The following ARHGAP24 variants were observed in gnomAD, a reference collection of about 807,000 sequenced individuals.
ARHGAP24 encodes the protein rho GTPase-activating protein 24.
Under a neutral mutation model 76.4 loss-of-function variants are expected in ARHGAP24, and 50 were observed. That is an observed-to-expected ratio of 0.65 (90% CI 0.52 to 0.83). The LOEUF is 0.83. Among genes scored for constraint, ARHGAP24 ranks in the 40% least tolerant of loss-of-function variants. ARHGAP24 has a pLI of 0.00. For missense variants in ARHGAP24, 930 were observed against 914.2 expected (o/e 1.02, Z -0.22); for synonymous variants, 345 against 323.3 (o/e 1.07, Z -0.72).
chr4:85,876,939 T>A (rs1282594839), intron 3 of ARHGAP24, among the ~76,000 whole-genome samples: 3 of 3,656 alleles, frequency 8.2e-4, no homozygotes, highest in Non-Finnish European at 1.7e-3. Context: ...CTTTCCATTT[T>A]ATTTATAAAA....
At chr4:85,980,214 G>A (rs912278420) in intron 8 of ARHGAP24, among the ~76,000 whole-genome samples, 1 of 152,168 alleles carries the variant, frequency 6.6e-6, no homozygotes, top group African/African-American at 2.4e-5. Flanking sequence ...AGTGGGCAGA[G>A]CTAGTAGATA....
At chr4:85,893,972 A>T (rs1219462759) in intron 3 of ARHGAP24, among the ~76,000 whole-genome samples, 2 of 119,468 alleles carry the variant, frequency 1.7e-5, no homozygotes, top group African/African-American at 6.4e-5. Context: ...GGGGGGAGGG[A>T]TAGCATTGGG....
intron 1 of ARHGAP24, among the ~76,000 whole-genome samples, chr4:85,499,442 A>T (rs971987079): frequency 7.9e-5 from 12 of 152,360 alleles, no homozygotes; most frequent in Non-Finnish European, 1.5e-5. Context: ...TACTAGAGGA[A>T]AACTAGAAAG....
intron 2 of ARHGAP24, among the ~76,000 whole-genome samples, chr4:85,720,203 T>C (rs574559377): frequency 1.3e-5 from 2 of 152,126 alleles, no homozygotes; most frequent in Non-Finnish European, 2.9e-5. Flanking sequence ...ACATGGCACA[T>C]GTATACATAT....
At chr4:85,872,851 C>G (rs1425108379) in intron 3 of ARHGAP24, among the ~76,000 whole-genome samples, 1 of 152,004 alleles carries the variant, frequency 6.6e-6, no homozygotes, top group Non-Finnish European at 1.5e-5. Context: ...AGCCACCCGC[C>G]TCAGCCTCCC....
At chr4:85,556,665 C>T (rs1007245142) in intron 1 of ARHGAP24, among the ~76,000 whole-genome samples, 1 of 152,166 alleles carries the variant, frequency 6.6e-6, no homozygotes, top group African/African-American at 2.4e-5. Flanking sequence ...CAGGCACTGC[C>T]GAGTGAAGGG....
At chr4:85,619,046 A>C (rs1720624000) in intron 2 of ARHGAP24, among the ~76,000 whole-genome samples, 2 of 152,136 alleles carry the variant, frequency 1.3e-5, no homozygotes, top group South Asian at 2.1e-4. Context: ...TGTCAAACCA[A>C]TGTCATGGAG....
chr4:85,656,258 C>T (rs994811392), intron 2 of ARHGAP24, among the ~76,000 whole-genome samples: 1 of 152,042 alleles, frequency 6.6e-6, no homozygotes, highest in Non-Finnish European at 1.5e-5. Flanking sequence ...TTTGTGGAAC[C>T]ACTGAATTTG....
intron 4 of ARHGAP24, among the ~76,000 whole-genome samples, chr4:85,924,038 A>G (rs1361589416): frequency 6.6e-6 from 1 of 151,988 alleles, no homozygotes; most frequent in Non-Finnish European, 1.5e-5. Flanking sequence ...GGATTTTCCC[A>G]TATTACCGAC....
intron 3 of ARHGAP24, among the ~76,000 whole-genome samples, chr4:85,869,620 A>T (rs962806): frequency 1 from 151,795 of 152,222 alleles, 75,688 homozygotes; most frequent in Middle Eastern, 1. Flanking sequence ...AGGGAGGACA[A>T]TTTTTTTTCC....
At chr4:85,935,521 G>A (rs1736582560) in intron 4 of ARHGAP24, among the ~76,000 whole-genome samples, 1 of 152,190 alleles carries the variant, frequency 6.6e-6, no homozygotes. Context: ...TAGTGAGAAT[G>A]CCTTGGAAAA....
rs1329061234 is a variant in ARHGAP24 at position 85,475,564 on chromosome 4, G to A, written c.-21+5G>A. The A allele has an allele frequency of 6.6e-6, 1 of 151,904 alleles. No individual in the cohort carries two copies. The highest frequency in any genetic ancestry group is 1.5e-5 in the Non-Finnish European group (1 of 67,918). 9.4% of individuals were successfully genotyped at this position (151,904 alleles called of 1,614,324 possible). A position where few individuals can be genotyped will look rare whatever the true frequency, so the allele number is the denominator to read the frequency against. On this transcript the variant is annotated splice_donor_5th_base_variant and intron_variant, in intron 1 of 9. Coordinates refer to ENST00000395184, the MANE Select transcript of ARHGAP24 (RefSeq NM_001025616.3). ...CTGTCTTGAGCTCCCAGCAAGGTAG[G>A]TGATGCGGTCGCGAGGAAGTGCGCG...
chr4:85,944,446 T>C (rs1001559211), intron 5 of ARHGAP24, among the ~76,000 whole-genome samples: 10 of 152,206 alleles, frequency 6.6e-5, no homozygotes, highest in African/African-American at 2.4e-4. Flanking sequence ...TTGTTTAAGT[T>C]CCTTGTAGAT....
chr4:85,936,649 G>A (rs1233407139), intron 4 of ARHGAP24, among the ~76,000 whole-genome samples: 1 of 152,042 alleles, frequency 6.6e-6, no homozygotes, highest in Non-Finnish European at 1.5e-5. Flanking sequence ...CACAGGTTAG[G>A]CATCTAAATA....
chr4:85,870,088 T>A (rs142494504), intron 3 of ARHGAP24, among the ~76,000 whole-genome samples: 115 of 152,310 alleles, frequency 7.6e-4, no homozygotes, highest in African/African-American at 2.5e-3. Flanking sequence ...AAAGCTTTTT[T>A]AAAAACTGCC....
intron 2 of ARHGAP24, among the ~76,000 whole-genome samples, chr4:85,624,166 G>T (rs543173307): frequency 6.6e-6 from 1 of 152,106 alleles, no homozygotes; most frequent in African/African-American, 2.4e-5. Context: ...TCTTGTGCCC[G>T]TTTTCAAAGG....
intron 2 of ARHGAP24, among the ~76,000 whole-genome samples, chr4:85,716,741 G>A (rs747205276): frequency 5.3e-5 from 8 of 152,064 alleles, no homozygotes; most frequent in Non-Finnish European, 1.0e-4. Context: ...TGTTAGAAAG[G>A]TTAATGAAAA....
At chr4:85,999,147 A>G (rs1159537452) in intron 9 of ARHGAP24, among the ~76,000 whole-genome samples, 1 of 152,152 alleles carries the variant, frequency 6.6e-6, no homozygotes, top group East Asian at 1.9e-4. Flanking sequence ...ATGTGTCAAT[A>G]TATTGTTTTG....
intron 3 of ARHGAP24, among the ~76,000 whole-genome samples, chr4:85,868,214 A>G (rs74631964): frequency 0.018 from 2,761 of 152,206 alleles, 81 homozygotes; most frequent in African/African-American, 0.063. Flanking sequence ...AAAAGAGTTA[A>G]GTTATTGTCT....
Sources: gnomAD v4.1 joint callset for allele counts (sites outside exome capture counted in the v4.1 genomes callset) on GRCh38, gnomAD v4.1.1 for gene constraint, MANE v1.5 for transcripts, NCBI Gene and HGNC (gene_info 2026-07-23, HGNC 2026-07-21) for gene names.